The following SLC71A1 variants were observed in gnomAD, a reference collection of about 807,000 sequenced individuals.
SLC71A1 encodes the protein solute carrier family 71 member 1, also known as hippocampus abundant gene transcript 1.
At chr1:100,074,803 A>G in the SLC71A1 span, among the ~76,000 whole-genome samples, 1 of 152,298 alleles carries the variant, frequency 6.6e-6, no homozygotes, top group Admixed American at 6.5e-5. Flanking sequence ...TGAACCCCGG[A>G]GGCAGAGGTG....
chr1:100,052,133 A>C, the SLC71A1 span, among the ~76,000 whole-genome samples: 1 of 152,182 alleles, frequency 6.6e-6, no homozygotes, highest in African/African-American at 2.4e-5. Flanking sequence ...CAGCCCAACC[A>C]CTAGCTAAGT....
At chr1:100,038,893 C>T in the SLC71A1 span, among the ~76,000 whole-genome samples, 1 of 152,242 alleles carries the variant, frequency 6.6e-6, no homozygotes, top group African/African-American at 2.4e-5. Flanking sequence ...ATGGGCTTCC[C>T]TCACTTCCCG....
chr1:100,061,709 A>G, the SLC71A1 span: 1 of 662,524 alleles, frequency 1.5e-6, no homozygotes, highest in Non-Finnish European at 2.7e-6. Flanking sequence ...TAGTTAATCC[A>G]TGAACTATCC....
At chr1:100,054,632 C>T in the SLC71A1 span, among the ~76,000 whole-genome samples, 1 of 152,116 alleles carries the variant, frequency 6.6e-6, no homozygotes, top group Admixed American at 6.6e-5. Flanking sequence ...TCTCTTCTAC[C>T]TAGATGGTTT....
the SLC71A1 span, chr1:100,050,018 T>A: frequency 7.4e-7 from 1 of 1,348,144 alleles, no homozygotes; most frequent in Non-Finnish European, 1.1e-6. Flanking sequence ...AGTAATCTTT[T>A]AAATTATTTA....
At chr1:100,074,141 T>C in the SLC71A1 span, among the ~76,000 whole-genome samples, 1 of 152,140 alleles carries the variant, frequency 6.6e-6, no homozygotes, top group African/African-American at 2.4e-5. Context: ...AGATAGGCTG[T>C]AGGGGAAGGA....
chr1:100,068,147 A>G, the SLC71A1 span: 1 of 1,614,168 alleles, frequency 6.2e-7, no homozygotes, highest in Non-Finnish European at 8.5e-7. Context: ...AAATGCGGCC[A>G]GCATCCTGGG....
the SLC71A1 span, among the ~76,000 whole-genome samples, chr1:100,055,114 A>G: frequency 6.6e-6 from 1 of 152,268 alleles, no homozygotes; most frequent in African/African-American, 2.4e-5. Flanking sequence ...CTAGCATAGT[A>G]TAAAACTTCT....
the SLC71A1 span, among the ~76,000 whole-genome samples, chr1:100,071,289 CAAA>C: frequency 1.5e-4 from 8 of 53,384 alleles, no homozygotes; most frequent in Non-Finnish European, 2.8e-4. Context: ...CCATCTCTAC[CAAA>C]AAAAAAAAAA....
the SLC71A1 span, among the ~76,000 whole-genome samples, chr1:100,044,510 GA>G: frequency 2.4e-5 from 3 of 124,578 alleles, no homozygotes; most frequent in African/African-American, 3.2e-5. Context: ...TTACTCTGCT[GA>G]TTTTTTTTTT....
the SLC71A1 span, among the ~76,000 whole-genome samples, chr1:100,077,537 G>C: frequency 6.6e-6 from 1 of 152,114 alleles, no homozygotes. Context: ...AATCTTTAAG[G>C]AGCATTTAAT....
At chr1:100,070,327 C>G in the SLC71A1 span, among the ~76,000 whole-genome samples, 1 of 152,154 alleles carries the variant, frequency 6.6e-6, no homozygotes, top group Non-Finnish European at 1.5e-5. Context: ...TCAGGAGAGA[C>G]TGTAGCTGGC....
the SLC71A1 span, among the ~76,000 whole-genome samples, chr1:100,049,130 T>C: frequency 6.6e-6 from 1 of 152,202 alleles, no homozygotes; most frequent in East Asian, 1.9e-4. Context: ...TTTTATCCTT[T>C]AGGAAATCAC....
At chr1:100,068,446 T>C in the SLC71A1 span, 6 of 1,444,600 alleles carry the variant, frequency 4.2e-6, no homozygotes, top group South Asian at 1.2e-5. Flanking sequence ...GAAAACCTTA[T>C]ATCAATCAGT....
At chr1:100,077,217 T>C in the SLC71A1 span, 1 of 1,595,826 alleles carries the variant, frequency 6.3e-7, no homozygotes, top group Non-Finnish European at 8.6e-7. Context: ...AACACCATTT[T>C]ACTGGGTCTA....
At chr1:100,064,277 GC>G in the SLC71A1 span, among the ~76,000 whole-genome samples, 1 of 151,936 alleles carries the variant, frequency 6.6e-6, no homozygotes, top group Admixed American at 6.6e-5. Context: ...CAGTAGCTAT[GC>G]CCACCACCAT....
the SLC71A1 span, chr1:100,069,760 T>C: frequency 5.8e-6 from 5 of 868,004 alleles, no homozygotes; most frequent in African/African-American, 3.3e-5. Context: ...CATCTAGTGA[T>C]GGTATCTTGG....
chr1:100,042,434 G>A, the SLC71A1 span, among the ~76,000 whole-genome samples: 33,358 of 151,894 alleles, frequency 0.22, 5,064 homozygotes, highest in African/African-American at 0.43. Flanking sequence ...ACCGTTTCAA[G>A]AGCAGGACCC....
chr1:100,076,141 G>A, the SLC71A1 span, among the ~76,000 whole-genome samples: 9 of 152,168 alleles, frequency 5.9e-5, no homozygotes, highest in Admixed American at 5.9e-4. Flanking sequence ...AGTTCTAATT[G>A]CTCAAAAATC....
Sources: allele counts gnomAD v4.1 joint callset (sites outside exome capture counted in the v4.1 genomes callset), GRCh38; gene constraint gnomAD v4.1.1; transcripts MANE v1.5; gene names NCBI Gene and HGNC (gene_info 2026-07-23, HGNC 2026-07-21).